Variants in NEB observed in about 807,000 individuals in gnomAD.
The protein encoded by NEB is nebulin.
NEB carries 512 observed loss-of-function variants against 952.2 expected under a neutral mutation model. The observed-to-expected ratio is 0.54, with a 90% CI of 0.50 to 0.58. The LOEUF (loss-of-function observed/expected upper bound fraction) is 0.58. Among genes scored for constraint, NEB ranks in the 20% least tolerant of loss-of-function variants. The pLI is 0.00. For synonymous variants in NEB, 2,900 were observed against 3,149.8 expected (o/e 0.92, Z 2.66); for missense variants, 8,428 against 9,231.1 (o/e 0.91, Z 3.56).
chr2:151,727,143 AG>A (rs1361292286), intron 5 of NEB, among the ~76,000 whole-genome samples: 2 of 152,044 alleles, frequency 1.3e-5, no homozygotes, highest in Non-Finnish European at 2.9e-5. Flanking sequence ...TAAAATTCCC[AG>A]GGGGTTCCAG....
At position 151,552,774 on chromosome 2, in the gene NEB, G is replaced by T; in HGVS notation, c.19734C>A (p.Ile6578=). ...TTTTCAACATGTGAGCTTTATACTT[G>T]ATCTGCCGAGAGGAAGAAAACAAGC... ...AKHAYDLRDD[I]KYKAHMLKTR... Residue 6578 remains isoleucine (I), a splice_region_variant and synonymous_variant, in exon 128 of 182, where the codon ATC becomes ATA. Transcript: ENST00000397345. The T allele has an allele frequency of 6.2e-7, 1 of 1,608,360 alleles. No individual in the cohort carries two copies. Among genetic ancestry groups the T allele is most frequent in the South Asian group, 1.1e-5 (1 of 90,306 alleles).
rs117976261 is a variant in NEB, at chr2:151,561,827, T to C, written c.18996+283A>G. 2.0e-5 allele frequency among the ~76,000 whole-genome samples: 3 copies of C among 152,234 alleles called. No individual in the cohort carries two copies. The East Asian group carries it at 5.8e-4, about 29-fold the overall frequency. On this transcript the variant is annotated intron_variant, in intron 121 of 181. Transcript: ENST00000397345. ...TCCTACTCTCTGCAAGTTAACTTGATCAACTAAGGTACAGATGCTTGAGAG... is the reference window on the plus strand; with the variant it reads ...TCCTACTCTCTGCAAGTTAACTTGACCAACTAAGGTACAGATGCTTGAGAG...
chr2:151,576,343 C>G lies in NEB; in HGVS notation c.16716G>C (p.Lys5572Asn). Residue 5572 changes from lysine to asparagine, a missense_variant, in exon 106 of 182, where the codon AAG becomes AAC. Coordinates refer to ENST00000397345, the MANE Select transcript of NEB (RefSeq NM_001164508.2). Reference protein sequence around the residue: ...AYDLQSDALYKADLEWLRGIG... With the variant: ...AYDLQSDALYNADLEWLRGIG... ...TGCCACGCAACCACTCCAAGTCAGCCTTGTAGAGGGCCTGAAAAAGAAAAC... is the reference window on the plus strand; with the variant it reads ...TGCCACGCAACCACTCCAAGTCAGCGTTGTAGAGGGCCTGAAAAAGAAAAC... The G allele has an allele frequency of 1.3e-6, 2 of 1,593,622 alleles. No individual in the cohort carries two copies. The highest frequency in any genetic ancestry group is 4.5e-5 in the East Asian group (2 of 44,678).
Position 151,546,029 on chromosome 2 carries a change from A to G in NEB, c.20467-31T>C, listed in dbSNP as rs781476875. 7.1e-6 allele frequency: 9 copies of G among 1,265,560 alleles called. No individual in the cohort carries two copies. The East Asian group carries it at 2.2e-4, about 31-fold the overall frequency. The allele number at this position is 1,265,560 out of a possible 1,614,324, so 78.4% of individuals were successfully genotyped here. A position where few individuals can be genotyped will look rare whatever the true frequency, so the allele number is the denominator to read the frequency against. On this transcript the variant is annotated intron_variant, in intron 134 of 181. Transcript: ENST00000397345. ...AAAAAAAAAAAAAAACAGAAATACA[A>G]GTTGATTAATCATTTAAGGGATTCA...
Position 151,694,381 on chromosome 2 carries a change from C to A in NEB, c.1838G>T (p.Ser613Ile). The A allele has an allele frequency of 6.2e-7, 1 of 1,614,002 alleles. No homozygotes were observed. The highest frequency in any genetic ancestry group is 1.1e-5 in the South Asian group (1 of 91,074). Residue 613 changes from serine to isoleucine, a missense_variant, in exon 20 of 182, where the codon AGC (serine) becomes ATC (isoleucine). Ser to Ile is a moderately radical substitution (Grantham distance 142, BLOSUM62 -2). Coordinates refer to ENST00000397345, the MANE Select transcript of NEB (RefSeq NM_001164508.2). ...CAGCATCTTGGGATCGTCATTAATG[C>A]TGAGGACTCCAATCATTTTCCCTTT... Reference protein sequence around the residue: ...KNKGKMIGVLSINDDPKMLHS... With the variant: ...KNKGKMIGVLIINDDPKMLHS...
chr2:151,708,211 G>A (rs1164901714), intron 12 of NEB, among the ~76,000 whole-genome samples: 3 of 151,882 alleles, frequency 2.0e-5, no homozygotes, highest in African/African-American at 7.3e-5. Flanking sequence ...CTTTTGTTTC[G>A]TATCTTAAAA....
rs138430810 is a variant in NEB at position 151,684,368 on chromosome 2, T to C, written c.2835+410A>G. 1.2e-3 allele frequency among the ~76,000 whole-genome samples: 186 copies of C among 152,326 alleles called. 2 individuals carry two copies. The highest frequency in any genetic ancestry group is 3.9e-3 in the African/African-American group (164 of 41,582). The stretch of plus-strand genomic sequence containing the variant: ...AATCATATATTTTCTTTTCAGATAG[T>C]AATCTATGTAAAAATCATTGATAAT... On this transcript the variant is annotated intron_variant, in intron 28 of 181. Coordinates refer to ENST00000397345, the MANE Select transcript of NEB (RefSeq NM_001164508.2).
At chr2:151,519,134 C>A in intron 154 of NEB, 65 bp from the exon 155 acceptor site, 1 of 1,033,020 alleles carries the variant, frequency 9.7e-7, no homozygotes. Flanking sequence ...TAATGGAAAT[C>A]AAAGTGAGAT....
In NEB at chr2:151,538,191, T is replaced by G. The variant is rs371201870; in HGVS notation, c.20946A>C (p.Lys6982Asn). The change falls in exon 139 of 182, where the codon AAA becomes AAC. Residue 6982 changes from lysine to asparagine, a missense_variant. By Grantham distance (94) the Lys-to-Asn change is moderately conservative. Around this residue, in one of 11 missense-constraint regions of NEB, gnomAD observed 3,374 missense variants for 3,651.5 expected, o/e 0.92. Transcript: ENST00000397345. ...GATGATAGACAATGTCTAGGGCATC[T>G]TTCACCGTGTGGTATTTCCCTTTGG... ...QKTKGKYHTV[K>N]DALDIVYHRK... is the part of the protein sequence containing the mutation. The G allele has an allele frequency of 1.9e-6, 3 of 1,613,374 alleles. No homozygotes were observed. Among genetic ancestry groups the G allele is most frequent in the Non-Finnish European group, 2.5e-6 (3 of 1,179,394 alleles).
At position 151,615,212 on chromosome 2, in the gene NEB, T is replaced by C. The variant is rs1017726263; in HGVS notation, c.11290-625A>G. Among the ~76,000 whole-genome samples, 3 of 152,228 alleles carry C rather than the reference T, an allele frequency of 2.0e-5. No homozygotes were observed. The South Asian group carries it at 6.2e-4, about 32-fold the overall frequency. On this transcript the variant is annotated intron_variant, in intron 76 of 181. Transcript: ENST00000397345. The stretch of plus-strand genomic sequence containing the variant: ...TTAACAGCAAGAAAAGTTTTGATAA[T>C]ACGGTGTGTGTCCTTAACCTTGGCA...
chr2:151,690,859 G>A, intron 23 of NEB, 34 bp from the exon 24 acceptor site: 2 of 1,442,920 alleles, frequency 1.4e-6, no homozygotes, highest in Non-Finnish European at 1.9e-6. Context: ...TGAAATATCA[G>A]TATATTCTTG....
intron 153 of NEB, 58 bp from the exon 154 acceptor site, chr2:151,519,826 G>T: frequency 8.7e-7 from 1 of 1,149,788 alleles, no homozygotes. Flanking sequence ...TTGGGAATTG[G>T]GGAATAGTAG....
rs767434222 is a variant in NEB, at chr2:151,658,011, G to T, written c.6155C>A (p.Ala2052Asp). 1.5e-5 allele frequency: 24 copies of T among 1,609,966 alleles called. No homozygotes were observed. In the South Asian group the frequency reaches 2.7e-4, roughly 18 times the overall value. The change falls in exon 48 of 182, where the codon GCC becomes GAC. Residue 2052 changes from alanine to aspartate, a missense_variant. By Grantham distance (126) the Ala-to-Asp change is moderately radical. Transcript: ENST00000397345. Reference sequence around the variant, plus strand: ...ACTTGCAATATCTCTGGAAGCCTTGGCAGCTTTGATAGGAATTGCATCAGG... The same window carrying T: ...ACTTGCAATATCTCTGGAAGCCTTGTCAGCTTTGATAGGAATTGCATCAGG... ...LRPDAIPIKA[A>D]KASRDIASDY...
At position 151,688,379 on chromosome 2, in the gene NEB, T is replaced by C. The variant is rs748332134; in HGVS notation, c.2328A>G (p.Lys776=). The change falls in exon 25 of 182, where the codon AAA becomes AAG. Residue 776 remains lysine, a synonymous_variant. Coordinates refer to ENST00000397345, the MANE Select transcript of NEB (RefSeq NM_001164508.2). The stretch of plus-strand genomic sequence containing the variant: ...GGCACTTGAACTTCTCACCTTCATG[T>C]TTTGCTTTGTAATTCAGCTGAAAAA... ...KQLSDLNYKA[K]HEGEKFKCHI... 2 of 1,613,662 alleles carry C rather than the reference T, an allele frequency of 1.2e-6. No individual in the cohort carries two copies. Among genetic ancestry groups the C allele is most frequent in the East Asian group, 2.2e-5 (1 of 44,874 alleles).
At chr2:151,618,552 A>G (rs1573894721) in intron 73 of NEB, 74 bp from the exon 74 acceptor site, 1 of 1,386,060 alleles carries the variant, frequency 7.2e-7, no homozygotes, top group Non-Finnish European at 1.0e-6. Flanking sequence ...GGGTTATCCT[A>G]GAGAAACACA....
At chr2:151,650,066 T>C (rs1291344318) in intron 54 of NEB, 110 bp downstream of exon 54, 3 of 947,550 alleles carry the variant, frequency 3.2e-6, no homozygotes, top group Non-Finnish European at 4.8e-6. Flanking sequence ...TTTTATGTGG[T>C]GATGTATGAG....
In NEB at chr2:151,562,209, C is replaced by A. The variant is rs568599013; in HGVS notation, c.18897G>T (p.Val6299=). 1.6e-4 allele frequency: 253 copies of A among 1,607,236 alleles called. No homozygotes were observed. Among genetic ancestry groups the A allele is most frequent in the Non-Finnish European group, 1.4e-5 (17 of 1,173,806 alleles). The change falls in exon 121 of 182, where the codon GTG becomes GTT. Residue 6299 remains valine, a synonymous_variant. Coordinates refer to ENST00000397345, the MANE Select transcript of NEB (RefSeq NM_001164508.2). The part of the protein sequence containing the change: ...RNAQEILSDN[V]YKDDLNWLKG... ...TCAACCAATTCAGGTCATCTTTATACACATTCTGCAAGAAAGAGAGAACAA... is the reference window on the plus strand; with the variant it reads ...TCAACCAATTCAGGTCATCTTTATAAACATTCTGCAAGAAAGAGAGAACAA...
chr2:151,725,335 G>T, intron 6 of NEB, 118 bp downstream of exon 6: 1 of 785,820 alleles, frequency 1.3e-6, no homozygotes, highest in South Asian at 1.9e-5. Context: ...CTAGATTTGT[G>T]AACTAGCTCA....
chr2:151,607,109 A>G lies in NEB; in HGVS notation c.12639+395T>C, dbSNP rs201297872. On this transcript the variant is annotated intron_variant, in intron 83 of 181. Transcript: ENST00000397345. ...GACTTTTCAGAAGTTTCTGCTAAAG[A>G]GTTGTGACATAGATATCATACCTAG... Among the ~76,000 whole-genome samples, 106 of 103,286 alleles carry G rather than the reference A, an allele frequency of 1.0e-3. 18 individuals are homozygous for G. Among genetic ancestry groups the G allele is most frequent in the African/African-American group, 2.1e-3 (83 of 39,094 alleles). The allele number at this position is 103,286 out of a possible 152,430, so 67.8% of individuals were successfully genotyped here.
Sources: allele counts gnomAD v4.1 joint callset (sites outside exome capture counted in the v4.1 genomes callset), GRCh38; gene constraint gnomAD v4.1.1; regional missense constraint gnomAD v4.1.1; transcripts MANE v1.5; gene names NCBI Gene and HGNC (gene_info 2026-07-23, HGNC 2026-07-21).